Variants in RANBP10 observed in about 807,000 individuals in gnomAD.
RANBP10 encodes RAN binding protein 10, also known as ran-binding protein 10.
Under a neutral mutation model 72.8 loss-of-function variants are expected in RANBP10, and 24 were observed. The observed-to-expected ratio is 0.33, with a 90% CI of 0.24 to 0.46. The LOEUF (loss-of-function observed/expected upper bound fraction) is 0.46. RANBP10 is among the 20% of genes least tolerant of loss of function. The probability of loss-of-function intolerance (pLI) is 1.00; values close to 1 mark genes in which losing one functional copy is unlikely to be tolerated. For synonymous variants in RANBP10, 310 were observed against 322.3 expected (o/e 0.96, Z 0.41); for missense variants, 679 against 817.5 (o/e 0.83, Z 2.07).
At chr16:67,744,174 G>A in intron 4 of RANBP10, 114 bp downstream of exon 4, 4 of 1,504,488 alleles carry the variant, frequency 2.7e-6, no homozygotes, top group Non-Finnish European at 1.8e-6. Context: ...TGGAAATGGT[G>A]CGGTACCCCA....
At chr16:67,781,731 A>G (rs778600975) in intron 2 of RANBP10, among the ~76,000 whole-genome samples, 2 of 152,136 alleles carry the variant, frequency 1.3e-5, no homozygotes, top group African/African-American at 2.4e-5. Context: ...CAAAACCACA[A>G]TGCAAGGTGG....
At chr16:67,781,075 T>C (rs1031417589) in intron 2 of RANBP10, among the ~76,000 whole-genome samples, 1 of 152,236 alleles carries the variant, frequency 6.6e-6, no homozygotes, top group Admixed American at 6.5e-5. Context: ...ACCTTGAGGC[T>C]GGAGAGCCCC....
At chr16:67,801,813 A>T (rs1225680622) in intron 2 of RANBP10, among the ~76,000 whole-genome samples, 1 of 151,924 alleles carries the variant, frequency 6.6e-6, no homozygotes, top group Non-Finnish European at 1.5e-5. Flanking sequence ...AAAAAAAATC[A>T]GCTGGGCATG....
Position 67,727,859 on chromosome 16 carries a change from G to A in RANBP10, c.1512C>T (p.Asn504=), listed in dbSNP as rs1419460753. 6.2e-7 allele frequency: 1 copy of A among 1,614,108 alleles called. No homozygotes were observed. The highest frequency in any genetic ancestry group is 1.7e-5 in the Admixed American group (1 of 60,024). The change falls in exon 12 of 14, where the codon AAC becomes AAT. Residue 504 remains asparagine, a synonymous_variant. Transcript: ENST00000317506. The part of the protein sequence containing the change: ...RHPRRQLCGG[N]QAATERIILF... ...GAATGATCCTTTCTGTGGCAGCCTG[G>A]TTGCCCCCGCAGAGCTGCCGCCGAG...
chr16:67,781,413 T>C (rs1567707048), intron 2 of RANBP10, among the ~76,000 whole-genome samples: 2 of 152,302 alleles, frequency 1.3e-5, no homozygotes, highest in African/African-American at 4.8e-5. Context: ...CAAGGGCTTT[T>C]ACTCCCGGAG....
intron 2 of RANBP10, among the ~76,000 whole-genome samples, chr16:67,788,321 C>T (rs1394901224): frequency 1.3e-5 from 2 of 151,746 alleles, no homozygotes; most frequent in East Asian, 1.9e-4. Flanking sequence ...GGTGCGATCT[C>T]GGCTCAATGC....
At chr16:67,788,880 G>T (rs1228738248) in intron 2 of RANBP10, among the ~76,000 whole-genome samples, 1 of 151,398 alleles carries the variant, frequency 6.6e-6, no homozygotes, top group African/African-American at 2.4e-5. Flanking sequence ...CACGCCTATA[G>T]TCCCAGCTAC....
At chr16:67,800,440 G>GC (rs2055215998) in intron 2 of RANBP10, among the ~76,000 whole-genome samples, 1 of 152,326 alleles carries the variant, frequency 6.6e-6, no homozygotes, top group African/African-American at 2.4e-5. Flanking sequence ...TCACACTGGA[G>GC]CATCTGTCAG....
intron 3 of RANBP10, among the ~76,000 whole-genome samples, chr16:67,745,152 A>G (rs914367090): frequency 7.3e-5 from 11 of 151,430 alleles, no homozygotes. Context: ...ATTTTTTTGT[A>G]TTTTTAGTAG....
chr16:67,744,222 CCT>C (rs1597846918), intron 4 of RANBP10, 64 bp downstream of exon 4: 3 of 1,567,900 alleles, frequency 1.9e-6, no homozygotes, highest in Non-Finnish European at 2.6e-6. Flanking sequence ...AGCACTTGCC[CCT>C]GAGCCTCTCA....
At chr16:67,786,607 C>A (rs2054921415) in intron 2 of RANBP10, among the ~76,000 whole-genome samples, 2 of 152,140 alleles carry the variant, frequency 1.3e-5, no homozygotes, top group Non-Finnish European at 2.9e-5. Flanking sequence ...CAATGAGTTA[C>A]CACTTCATAC....
intron 2 of RANBP10, among the ~76,000 whole-genome samples, chr16:67,795,634 G>A (rs150850722): frequency 0.1 from 15,548 of 151,928 alleles, 900 homozygotes; most frequent in South Asian, 0.13. Flanking sequence ...TTGGGAGGCC[G>A]AGGCGGGTGG....
rs1567667745 is a variant in RANBP10, at chr16:67,725,949, C to T, written c.*479G>A. 1 of 148,606 alleles carries T rather than the reference C, an allele frequency of 6.7e-6. No homozygotes were observed. The highest frequency in any genetic ancestry group is 1.5e-5 in the Non-Finnish European group (1 of 67,066). The allele number at this position is 148,606 out of a possible 1,614,324, so 9.2% of individuals were successfully genotyped here. ...CCACTAATGCTACGATAAATACTGT[C>T]TTTTTTTTTAATATATATATTTTTA... On this transcript the variant is annotated 3_prime_UTR_variant, in exon 14 of 14. Transcript: ENST00000317506.
intron 3 of RANBP10, among the ~76,000 whole-genome samples, chr16:67,757,861 T>C (rs2054317545): frequency 6.6e-6 from 1 of 152,098 alleles, no homozygotes; most frequent in Non-Finnish European, 1.5e-5. Context: ...GGCAGTGCCC[T>C]GGGTGCAGGG....
chr16:67,767,596 T>C (rs549661802), intron 3 of RANBP10, among the ~76,000 whole-genome samples: 1 of 149,826 alleles, frequency 6.7e-6, no homozygotes, highest in African/African-American at 2.4e-5. Context: ...ACCTTGTCTC[T>C]ACAATTTTTT....
rs867080632 is a variant in RANBP10 at position 67,744,410 on chromosome 16, G to A, written c.446C>T (p.Ser149Leu). 1 of 1,614,158 alleles carries A rather than the reference G, an allele frequency of 6.2e-7. No individual in the cohort carries two copies. The highest frequency in any genetic ancestry group is 8.5e-7 in the Non-Finnish European group (1 of 1,179,994). ...SYGYHGDDGH[S>L]FCSSGTGQPY... ...CTGGCCAGTCCCCGAGGAGCAGAAC[G>A]AATGCCCATCATCACCATGGTAACC... is the stretch of plus-strand genomic sequence containing the variant. Residue 149 changes from serine to leucine, a missense_variant, in exon 4 of 14, where the codon TCG (serine) becomes TTG (leucine). Physicochemically the swap from Ser to Leu is moderately radical, Grantham distance 145 (BLOSUM62 -2). Transcript: ENST00000317506.
chr16:67,729,402 G>A lies in RANBP10; in HGVS notation c.1230C>T (p.Ser410=), dbSNP rs755264875. ...AGGAGGAGGAGGAGGACGAGGATGA[G>A]GAGCTGGGTGCAGGGTATTTACTGT... ...QNHSKYPAPS[S]SSSSSSSSSS... is the part of the protein sequence containing the mutation. Residue 410 remains serine (S), a synonymous_variant, in exon 10 of 14, where the codon TCC becomes TCT. Transcript: ENST00000317506. The surrounding 1 kb of genome is among the most constrained non-coding windows in gnomAD (Gnocchi z 7.1). The A allele has an allele frequency of 1.2e-6, 2 of 1,613,860 alleles. No individual in the cohort carries two copies. The highest frequency in any genetic ancestry group is 2.2e-5 in the South Asian group (2 of 91,030).
chr16:67,793,877 A>G (rs985963603), intron 2 of RANBP10, among the ~76,000 whole-genome samples: 1 of 151,114 alleles, frequency 6.6e-6, no homozygotes, highest in Admixed American at 6.6e-5. Flanking sequence ...TTTTTATTTT[A>G]TTTATTTATT....
chr16:67,786,738 G>A (rs376749095), intron 2 of RANBP10, among the ~76,000 whole-genome samples: 3 of 151,934 alleles, frequency 2.0e-5, no homozygotes, highest in East Asian at 1.9e-4. Flanking sequence ...GGACAGCCTG[G>A]CCAACTTGGT....
Sources: gnomAD v4.1 joint callset for allele counts (sites outside exome capture counted in the v4.1 genomes callset) on GRCh38, gnomAD v4.1.1 for gene constraint, Gnocchi (gnomAD v3.1) non-coding constraint, MANE v1.5 for transcripts, NCBI Gene and HGNC (gene_info 2026-07-23, HGNC 2026-07-21) for gene names.